The following ADAMTS2 variants were observed in gnomAD, a reference collection of about 807,000 sequenced individuals.
ADAMTS2 encodes ADAM metallopeptidase with thrombospondin type 1 motif 2, also known as A disintegrin and metalloproteinase with thrombospondin motifs 2.
Under a neutral mutation model 123.0 loss-of-function variants are expected in ADAMTS2, and 50 were observed. That is an observed-to-expected ratio of 0.41 (90% confidence interval 0.32 to 0.51). The LOEUF is 0.51. ADAMTS2 is among the 20% of genes least tolerant of loss of function. The pLI is 0.35. For missense variants in ADAMTS2, 1,494 were observed against 1,705.2 expected, an observed-to-expected ratio of 0.88 and a Z score of 2.18; for synonymous variants, 678 against 695.4, an observed-to-expected ratio of 0.98 and a Z score of 0.39.
intron 10 of ADAMTS2, among the ~76,000 whole-genome samples, chr5:179,145,883 G>A (rs34132209): frequency 1.2e-4 from 19 of 152,122 alleles, no homozygotes; most frequent in South Asian, 8.3e-4. Context: ...ACGAAGTTTC[G>A]CTCTTGTTGT....
intron 3 of ADAMTS2, among the ~76,000 whole-genome samples, chr5:179,226,674 A>G (rs1183041473): frequency 6.6e-6 from 1 of 152,218 alleles, no homozygotes; most frequent in African/African-American, 2.4e-5. Flanking sequence ...GTACATGCTG[A>G]GAGAAACGGA....
chr5:179,310,749 C>A (rs960730826), intron 2 of ADAMTS2, among the ~76,000 whole-genome samples: 9 of 152,186 alleles, frequency 5.9e-5, no homozygotes, highest in African/African-American at 2.2e-4. Context: ...CTGCTCTAGA[C>A]CTTCCCAGGG....
At chr5:179,302,375 G>A (rs373763707) in intron 2 of ADAMTS2, among the ~76,000 whole-genome samples, 12 of 90,882 alleles carry the variant, frequency 1.3e-4, no homozygotes, top group African/African-American at 4.4e-4. Context: ...GAGCAAGACC[G>A]TCTCAAAAAA....
At chr5:179,217,680 CCT>C (rs1295197032) in intron 3 of ADAMTS2, among the ~76,000 whole-genome samples, 2 of 102,026 alleles carry the variant, frequency 2.0e-5, no homozygotes, top group Non-Finnish European at 4.5e-5. Flanking sequence ...TGCCCCATCC[CCT>C]GTGAGCAGTT....
chr5:179,155,071 C>A lies in ADAMTS2; in HGVS notation c.1133-152G>T. The A allele has an allele frequency of 1.4e-6, 1 of 719,116 alleles. No individual in the cohort carries two copies. Among genetic ancestry groups the A allele is most frequent in the Non-Finnish European group, 2.5e-6 (1 of 398,640 alleles). The allele number at this position is 719,116 out of a possible 1,614,324, so 44.5% of individuals were successfully genotyped here. ...CCCGGCTGGCACAGCTCAGAAGACA[C>A]CACAGCAGACAGCTCATAGCCTGTG... On this transcript the variant is annotated intron_variant, in intron 6 of 21. Transcript: ENST00000251582. The surrounding 1 kb of genome is among the most constrained non-coding windows in gnomAD (Gnocchi z 5.1).
intron 8 of ADAMTS2, 89 bp downstream of exon 8, chr5:179,153,960 T>G: frequency 6.6e-7 from 1 of 1,515,282 alleles, no homozygotes; most frequent in Non-Finnish European, 8.9e-7. Context: ...GTCGGAGGGC[T>G]CTGGCTCTGG....
intron 2 of ADAMTS2, among the ~76,000 whole-genome samples, chr5:179,339,188 A>G (rs1757699538): frequency 6.6e-6 from 1 of 152,178 alleles, no homozygotes; most frequent in Non-Finnish European, 1.5e-5. Context: ...GGTGGGCAGG[A>G]GACCTGGGCT....
In ADAMTS2 at chr5:179,234,985, G is replaced by A. The variant is rs556635913; in HGVS notation, c.689-27270C>T. 6.7e-4 allele frequency among the ~76,000 whole-genome samples: 102 copies of A among 152,256 alleles called. No individual in the cohort carries two copies. The highest frequency in any genetic ancestry group is 2.3e-3 in the African/African-American group (95 of 41,546). ...CTCCCAGGGACCTGCTCATGTTCCCGCAACGCCCTTACAGCCATGGGTCCG... is the reference window on the plus strand; with the variant it reads ...CTCCCAGGGACCTGCTCATGTTCCCACAACGCCCTTACAGCCATGGGTCCG... On this transcript the variant is annotated intron_variant, in intron 3 of 21. Coordinates refer to ENST00000251582, the MANE Select transcript of ADAMTS2 (RefSeq NM_014244.5). This position sits in a 1 kb window ranked among gnomAD's most constrained non-coding sequence, Gnocchi z 4.7.
intron 2 of ADAMTS2, among the ~76,000 whole-genome samples, chr5:179,284,176 A>C (rs1366689346): frequency 2.0e-5 from 3 of 150,454 alleles, no homozygotes; most frequent in African/African-American, 7.3e-5. Context: ...TAAAAACACA[A>C]AAATTAGCCG....
At chr5:179,283,059 TC>T (rs1236529549) in intron 2 of ADAMTS2, among the ~76,000 whole-genome samples, 1 of 151,736 alleles carries the variant, frequency 6.6e-6, no homozygotes, top group Non-Finnish European at 1.5e-5. Context: ...TTGGCATCCC[TC>T]CCCAGCACCC....
intron 3 of ADAMTS2, among the ~76,000 whole-genome samples, chr5:179,215,615 C>A (rs774273477): frequency 2.2e-4 from 33 of 152,080 alleles, no homozygotes; most frequent in Non-Finnish European, 4.6e-4. Flanking sequence ...TCACAAGCCT[C>A]CAAGGATAGG....
chr5:179,335,306 A>C (rs965837539), intron 2 of ADAMTS2, among the ~76,000 whole-genome samples: 1 of 152,194 alleles, frequency 6.6e-6, no homozygotes, highest in Non-Finnish European at 1.5e-5. Flanking sequence ...TGTAATCAAT[A>C]CTTTAAAATG....
intron 4 of ADAMTS2, among the ~76,000 whole-genome samples, chr5:179,191,153 C>T (rs998892237): frequency 2.0e-5 from 3 of 152,246 alleles, no homozygotes; most frequent in Non-Finnish European, 4.4e-5. Flanking sequence ...GCCCAGTGTC[C>T]CCCAGGGGCC....
At chr5:179,266,387 G>C (rs940100457) in intron 3 of ADAMTS2, among the ~76,000 whole-genome samples, 1 of 152,022 alleles carries the variant, frequency 6.6e-6, no homozygotes, top group African/African-American at 2.4e-5. Context: ...CTAAGAGGGA[G>C]AGCTGGCTAT....
rs865948371 is a variant in ADAMTS2 at position 179,262,581 on chromosome 5, C to T, written c.688+10330G>A. Among the ~76,000 whole-genome samples, 7 of 152,318 alleles carry T rather than the reference C, an allele frequency of 4.6e-5. No homozygotes were observed. The highest frequency in any genetic ancestry group is 3.3e-4 in the Admixed American group (5 of 15,306). On this transcript the variant is annotated intron_variant, in intron 3 of 21. Coordinates refer to ENST00000251582, the MANE Select transcript of ADAMTS2 (RefSeq NM_014244.5). This position sits in a 1 kb window ranked among gnomAD's most constrained non-coding sequence, Gnocchi z 5.9. ...AGCTCTTCCTTCTGCCCCTTGGTCA[C>T]GCTGCGGTAACTCCAGCCTCAGGGC...
At chr5:179,125,968 C>G (rs1455939921) in intron 18 of ADAMTS2, 30 bp downstream of exon 18, 1 of 1,612,944 alleles carries the variant, frequency 6.2e-7, no homozygotes, top group East Asian at 2.2e-5. Context: ...CCTGTCTCCT[C>G]TAGTGGGAGC....
chr5:179,281,713 T>C (rs530046519), intron 2 of ADAMTS2, among the ~76,000 whole-genome samples: 2 of 152,344 alleles, frequency 1.3e-5, no homozygotes, highest in Admixed American at 6.5e-5. Context: ...TACTGGGTCA[T>C]ACAGTAACTG....
chr5:179,277,112 G>C (rs1212970181), intron 2 of ADAMTS2, among the ~76,000 whole-genome samples: 1 of 152,002 alleles, frequency 6.6e-6, no homozygotes, highest in South Asian at 2.1e-4. Flanking sequence ...TCCTCGGAGG[G>C]CACAGGAGCA....
At chr5:179,154,649 G>C (rs1763433106) in intron 7 of ADAMTS2, among the ~76,000 whole-genome samples, 165 bp downstream of exon 7, 1 of 152,212 alleles carries the variant, frequency 6.6e-6, no homozygotes, top group African/African-American at 2.4e-5. Flanking sequence ...CAGCAAAAGT[G>C]GGCCTCGGGC....
Sources: gnomAD v4.1 joint callset for allele counts (sites outside exome capture counted in the v4.1 genomes callset) on GRCh38, gnomAD v4.1.1 for gene constraint, Gnocchi (gnomAD v3.1) non-coding constraint, MANE v1.5 for transcripts, NCBI Gene and HGNC (gene_info 2026-07-23, HGNC 2026-07-21) for gene names.